RSF1: variants seen among roughly 807,000 people sequenced by gnomAD.
RSF1 encodes the protein remodeling and spacing factor 1.
In RSF1, 13 loss-of-function variants were observed where a neutral mutation model predicts 145.2. The observed-to-expected ratio is 0.09, with a 90% confidence interval of 0.06 to 0.14. The LOEUF (loss-of-function observed/expected upper bound fraction) is 0.14. RSF1 is among the 10% of genes least tolerant of loss of function. The pLI is 1.00. For missense variants in RSF1, 1,517 were observed against 1,718.2 expected, an observed-to-expected ratio of 0.88 and a Z score of 2.07; for synonymous variants, 577 against 592.6, an observed-to-expected ratio of 0.97 and a Z score of 0.38.
At chr11:77,825,547 A>AC (rs576971140), upstream of RSF1, among the ~76,000 whole-genome samples, 126 of 152,260 alleles carry the variant, frequency 8.3e-4, 1 homozygote, top group African/African-American at 3.0e-3. Context: ...TAATAAGAAG[A>AC]TGTATGAAAA....
At chr11:77,831,092 C>T in the RSF1 span, among the ~76,000 whole-genome samples, 1 of 151,712 alleles carries the variant, frequency 6.6e-6, no homozygotes, top group Non-Finnish European at 1.5e-5. Flanking sequence ...CTTCAGTGAG[C>T]TGTAATCATG....
At chr11:77,865,196 GGATTACTTAGCAT>G in the RSF1 span, among the ~76,000 whole-genome samples, 1 of 152,132 alleles carries the variant, frequency 6.6e-6, no homozygotes, top group African/African-American at 2.4e-5. Context: ...GTTTAGTAAT[GGATTACTTAGCAT>G]GATTACTTAG....
At chr11:77,771,245 C>A (rs1330889708) in intron 1 of RSF1, among the ~76,000 whole-genome samples, 2 of 152,178 alleles carry the variant, frequency 1.3e-5, no homozygotes, top group Non-Finnish European at 2.9e-5. Context: ...GACTAGTACA[C>A]TCTTCACCTA....
At chr11:77,698,221 A>T (rs142969272) in intron 7 of RSF1, among the ~76,000 whole-genome samples, 2 of 152,342 alleles carry the variant, frequency 1.3e-5, no homozygotes, top group Non-Finnish European at 2.9e-5. Flanking sequence ...ACTTGAATAC[A>T]TTCCTCAATC....
chr11:77,849,926 G>A, the RSF1 span, among the ~76,000 whole-genome samples: 1 of 152,090 alleles, frequency 6.6e-6, no homozygotes, highest in Non-Finnish European at 1.5e-5. Flanking sequence ...AATACTCTGT[G>A]CCTCTATTAT....
At chr11:77,823,442 T>C (rs1949023733), upstream of RSF1, among the ~76,000 whole-genome samples, 1 of 151,344 alleles carries the variant, frequency 6.6e-6, no homozygotes. Flanking sequence ...AGTTTAAAAA[T>C]AATCTGGGCG....
At chr11:77,842,527 T>G in the RSF1 span, 1 of 1,613,960 alleles carries the variant, frequency 6.2e-7, no homozygotes, top group Non-Finnish European at 8.5e-7. Flanking sequence ...TTCCTTATCA[T>G]GGGGGCAAAT....
chr11:77,763,822 C>T (rs1351697666), intron 2 of RSF1: 2 of 151,722 alleles, frequency 1.3e-5, no homozygotes, highest in African/African-American at 2.4e-5. Context: ...TTCTGAGGAA[C>T]GAAAAAGATG....
chr11:77,770,613 T>C (rs183907158), intron 1 of RSF1, among the ~76,000 whole-genome samples: 46 of 152,296 alleles, frequency 3.0e-4, no homozygotes, highest in Admixed American at 3.0e-3. Context: ...TTTTCTGAGT[T>C]CCATTGAGAA....
chr11:77,717,072 G>T (rs1960829023), intron 5 of RSF1, among the ~76,000 whole-genome samples: 1 of 151,700 alleles, frequency 6.6e-6, no homozygotes, highest in Admixed American at 6.6e-5. Context: ...CAGCTACTTG[G>T]GGGTCTGAGG....
At chr11:77,792,638 C>T (rs1025021843) in intron 1 of RSF1, among the ~76,000 whole-genome samples, 1 of 151,874 alleles carries the variant, frequency 6.6e-6, no homozygotes, top group Non-Finnish European at 1.5e-5. Flanking sequence ...TTGTTTAGAG[C>T]CAAAGAAATC....
chr11:77,800,567 A>C (rs1194495118), intron 1 of RSF1, among the ~76,000 whole-genome samples: 1 of 152,156 alleles, frequency 6.6e-6, no homozygotes, highest in Non-Finnish European at 1.5e-5. Context: ...TCTACCAAAC[A>C]TTTATAAAAG....
chr11:77,813,808 A>G (rs117437767), intron 1 of RSF1: 2 of 247,230 alleles, frequency 8.1e-6, no homozygotes, highest in Non-Finnish European at 1.6e-5. Flanking sequence ...GGCCATTTAT[A>G]ATTTGTAAAA....
At chr11:77,715,025 CAGGT>C (rs1170057109) in intron 5 of RSF1, among the ~76,000 whole-genome samples, 2 of 151,944 alleles carry the variant, frequency 1.3e-5, no homozygotes, top group African/African-American at 4.8e-5. Context: ...TCAGGAAACT[CAGGT>C]AGGAGGATTG....
At chr11:77,810,393 T>C (rs1948718742) in intron 1 of RSF1, among the ~76,000 whole-genome samples, 1 of 152,184 alleles carries the variant, frequency 6.6e-6, no homozygotes, top group African/African-American at 2.4e-5. Context: ...TGTCATCACC[T>C]TGTTAACAAA....
chr11:77,683,762 C>T lies in RSF1; in HGVS notation c.3013G>A (p.Ala1005Thr). 5 of 1,613,254 alleles carry T rather than the reference C, an allele frequency of 3.1e-6. No individual in the cohort carries two copies. Among genetic ancestry groups the T allele is most frequent in the Non-Finnish European group, 4.2e-6 (5 of 1,179,890 alleles). The change falls in exon 11 of 16, where the codon GCA becomes ACA. Residue 1005 changes from alanine (A) to threonine (T), a missense_variant. Physicochemically the swap from Ala to Thr is moderately conservative, Grantham distance 58. This residue lies in a region of RSF1 where 231 missense variants were observed against 276.6 expected (regional missense o/e 0.84). Transcript: ENST00000308488. ...GTTGACCTCCTTTCAAGCAAGTTTG[C>T]TTTGGATTTTTTTGAATCTTTTTTC... is the stretch of plus-strand genomic sequence containing the variant. ...EKKKDSKKSK[A>T]NLLERRSTRT...
chr11:77,864,294 A>C, the RSF1 span, among the ~76,000 whole-genome samples: 2 of 152,006 alleles, frequency 1.3e-5, no homozygotes, highest in Non-Finnish European at 2.9e-5. Context: ...AAATACAAAA[A>C]TTAGCCAGGC....
chr11:77,765,112 T>C (rs1163238541), intron 1 of RSF1, among the ~76,000 whole-genome samples: 1 of 150,042 alleles, frequency 6.7e-6, no homozygotes, highest in Non-Finnish European at 1.5e-5. Flanking sequence ...GAACCTAAAA[T>C]TGCTCTTAAA....
rs969394074 is a variant in RSF1, at chr11:77,663,932, T to C, written c.*2985A>G. On this transcript the variant is annotated 3_prime_UTR_variant, in exon 16 of 16. Coordinates refer to ENST00000308488, the MANE Select transcript of RSF1 (RefSeq NM_016578.4). ...TGTATTTCAACAAGGGGGGTTTAAATTATTAAAGGGCTCTATTATGTAGCA... is the reference window on the plus strand; with the variant it reads ...TGTATTTCAACAAGGGGGGTTTAAACTATTAAAGGGCTCTATTATGTAGCA... 6.6e-6 allele frequency: 1 copy of C among 152,158 alleles called. No individual in the cohort carries two copies. The highest frequency in any genetic ancestry group is 2.4e-5 in the African/African-American group (1 of 41,440). The allele number at this position is 152,158 out of a possible 1,614,324, so 9.4% of individuals were successfully genotyped here.
Sources: gnomAD v4.1 joint callset for allele counts (sites outside exome capture counted in the v4.1 genomes callset) on GRCh38, gnomAD v4.1.1 for gene constraint, gnomAD v4.1.1 regional missense constraint, MANE v1.5 for transcripts, NCBI Gene and HGNC (gene_info 2026-07-23, HGNC 2026-07-21) for gene names.